Variants in PCGF5 observed in about 807,000 individuals in gnomAD.
PCGF5 encodes the protein polycomb group RING finger protein 5.
Under a neutral mutation model 44.3 loss-of-function variants are expected in PCGF5, and 9 were observed. The ratio of observed to expected loss-of-function variants is 0.20; its 90% CI spans 0.12 to 0.35. The LOEUF (loss-of-function observed/expected upper bound fraction) is 0.35, where lower values mean the gene tolerates loss of function less well. Among genes scored for constraint, PCGF5 ranks in the 10% least tolerant of loss-of-function variants. The probability of loss-of-function intolerance (pLI) is 1.00; values close to 1 mark genes in which losing one functional copy is unlikely to be tolerated. For synonymous variants in PCGF5, 95 were observed against 102.5 expected (o/e 0.93, Z 0.44); for missense variants, 146 against 305.3 (o/e 0.48, Z 3.89).
upstream of PCGF5, among the ~76,000 whole-genome samples, chr10:91,158,524 A>G (rs754171784): frequency 5.9e-5 from 9 of 152,168 alleles, no homozygotes; most frequent in Non-Finnish European, 1.2e-4. Context: ...CCAGATATTG[A>G]GCTAGGTTCT....
At chr10:91,200,958 G>A (rs1320443756) in intron 1 of PCGF5, among the ~76,000 whole-genome samples, 1 of 152,120 alleles carries the variant, frequency 6.6e-6, no homozygotes, top group East Asian at 1.9e-4. Flanking sequence ...AGGGTCAGGT[G>A]GGAGAATGGT....
chr10:91,163,575 C>T (rs1843435079), intron 1 of PCGF5, among the ~76,000 whole-genome samples: 1 of 152,128 alleles, frequency 6.6e-6, no homozygotes, highest in Non-Finnish European at 1.5e-5. Context: ...CGCCGGCAGC[C>T]GCGCGCCCCG....
chr10:91,200,975 T>G (rs560447159), intron 1 of PCGF5, among the ~76,000 whole-genome samples: 20 of 152,028 alleles, frequency 1.3e-4, no homozygotes, highest in Non-Finnish European at 2.4e-4. Context: ...TGGTCAGAGC[T>G]TGGGCAAGCA....
At chr10:91,264,228 G>A (rs879167432) in intron 7 of PCGF5, among the ~76,000 whole-genome samples, 10 of 152,122 alleles carry the variant, frequency 6.6e-5, no homozygotes, top group Admixed American at 3.9e-4. Context: ...ACAGTATCTT[G>A]TATATAGTAT....
At chr10:91,243,045 T>C (rs1317345376) in intron 3 of PCGF5, among the ~76,000 whole-genome samples, 3 of 152,140 alleles carry the variant, frequency 2.0e-5, no homozygotes, top group African/African-American at 7.2e-5. Flanking sequence ...CTGGGATAGC[T>C]CCTCATGATA....
intron 1 of PCGF5, among the ~76,000 whole-genome samples, chr10:91,176,576 A>G (rs987461031): frequency 2.6e-5 from 4 of 152,186 alleles, no homozygotes; most frequent in Admixed American, 2.0e-4. Context: ...GTATTTTCAC[A>G]TAGTCCCATA....
chr10:91,265,451 T>G (rs1489999332), intron 8 of PCGF5, among the ~76,000 whole-genome samples: 2 of 152,180 alleles, frequency 1.3e-5, no homozygotes, highest in African/African-American at 4.8e-5. Context: ...AGATTCTGTG[T>G]TTATGATACA....
rs1846518452 is a variant in PCGF5, at chr10:91,284,069, T to G, written c.*5753T>G. The G allele has an allele frequency of 6.6e-6, 1 of 152,606 alleles. No individual in the cohort carries two copies. The highest frequency in any genetic ancestry group is 2.4e-5 in the African/African-American group (1 of 41,438). The allele number at this position is 152,606 out of a possible 1,614,324, so 9.5% of individuals were successfully genotyped here. ...TCTTTTGCAGAAATAAAATGCTGCT[T>G]AGAGATTCTCCTTAAATATTTTTTA... On this transcript the variant is annotated 3_prime_UTR_variant, in exon 10 of 10. Coordinates refer to ENST00000336126, the MANE Select transcript of PCGF5 (RefSeq NM_032373.5).
intron 1 of PCGF5, among the ~76,000 whole-genome samples, chr10:91,178,732 A>C (rs10881897): frequency 0.096 from 14,488 of 151,218 alleles, 1,191 homozygotes; most frequent in African/African-American, 0.22. Flanking sequence ...TTGAGTTTAA[A>C]CATAATTTTC....
chr10:91,241,373 A>G (rs971824559), intron 3 of PCGF5, among the ~76,000 whole-genome samples: 5 of 152,106 alleles, frequency 3.3e-5, no homozygotes, highest in African/African-American at 1.2e-4. Flanking sequence ...TGGCCTAATC[A>G]TATATTTTTA....
At chr10:91,230,235 G>T (rs1844964609) in intron 2 of PCGF5, among the ~76,000 whole-genome samples, 1 of 152,160 alleles carries the variant, frequency 6.6e-6, no homozygotes, top group South Asian at 2.1e-4. Flanking sequence ...AGTTGGAACT[G>T]ATATCAGGGT....
intron 3 of PCGF5, among the ~76,000 whole-genome samples, chr10:91,248,086 T>A (rs1447035140): frequency 6.6e-6 from 1 of 152,154 alleles, no homozygotes; most frequent in Non-Finnish European, 1.5e-5. Flanking sequence ...GTTCTCATGG[T>A]AGCAGGATTC....
chr10:91,204,334 T>TA (rs11404081), intron 1 of PCGF5, among the ~76,000 whole-genome samples: 76,087 of 150,762 alleles, frequency 0.5, 23,578 homozygotes, highest in Non-Finnish European at 0.69. Flanking sequence ...GGTTTTCATT[T>TA]AAAAAAAAAC....
At chr10:91,217,254 C>T (rs1312668544), upstream of PCGF5, among the ~76,000 whole-genome samples, 1 of 152,164 alleles carries the variant, frequency 6.6e-6, no homozygotes, top group Non-Finnish European at 1.5e-5. Context: ...AGGATGGTCT[C>T]GATCTCCTGA....
chr10:91,201,775 T>C (rs1844256204), intron 1 of PCGF5, among the ~76,000 whole-genome samples: 1 of 151,778 alleles, frequency 6.6e-6, no homozygotes, highest in Non-Finnish European at 1.5e-5. Flanking sequence ...TGTTTAAGTG[T>C]GTTACTTTTT....
chr10:91,254,335 C>T (rs953571100), intron 6 of PCGF5, among the ~76,000 whole-genome samples: 5 of 151,938 alleles, frequency 3.3e-5, no homozygotes, highest in Middle Eastern at 3.4e-3. Context: ...TCCTTTTTGG[C>T]GTGTTCTTTC....
At chr10:91,166,787 A>G (rs553428591) in intron 1 of PCGF5, among the ~76,000 whole-genome samples, 1 of 152,338 alleles carries the variant, frequency 6.6e-6, no homozygotes, top group African/African-American at 2.4e-5. Flanking sequence ...TGTCATCTCT[A>G]AAGTGGGGAT....
At chr10:91,208,125 CAATT>C (rs1844379908) in intron 1 of PCGF5, among the ~76,000 whole-genome samples, 1 of 152,172 alleles carries the variant, frequency 6.6e-6, no homozygotes, top group South Asian at 2.1e-4. Flanking sequence ...TTGCCTGAAT[CAATT>C]AATAACATGG....
intron 3 of PCGF5, 132 bp downstream of exon 3, chr10:91,240,712 CA>C (rs1845300157): frequency 2.2e-6 from 1 of 455,806 alleles, no homozygotes; most frequent in Non-Finnish European, 3.8e-6. Context: ...CATTTTAAAG[CA>C]TTTTATTTTA....
Sources: gnomAD v4.1 joint callset for allele counts (sites outside exome capture counted in the v4.1 genomes callset) on GRCh38, gnomAD v4.1.1 for gene constraint, MANE v1.5 for transcripts, NCBI Gene and HGNC (gene_info 2026-07-23, HGNC 2026-07-21) for gene names.